Variants in LRRIQ3 observed in about 807,000 individuals in gnomAD.
The protein encoded by LRRIQ3 is leucine-rich repeat and IQ domain-containing protein 3.
A neutral mutation model predicts 59.3 loss-of-function variants in LRRIQ3; 75 were observed. That is an observed-to-expected ratio of 1.26 (90% CI 1.05 to 1.53). LRRIQ3 has a LOEUF of 1.53. LRRIQ3 is among the 40% of genes most tolerant of loss of function. The probability of loss-of-function intolerance (pLI) is 0.00; values close to 1 mark genes in which losing one functional copy is unlikely to be tolerated. For missense variants in LRRIQ3, 831 were observed against 710.0 expected, an observed-to-expected ratio of 1.17 and a Z score of -1.94; for synonymous variants, 250 against 231.3, an observed-to-expected ratio of 1.08 and a Z score of -0.73.
intron 5 of LRRIQ3, among the ~76,000 whole-genome samples, chr1:74,096,564 G>A (rs764050228): frequency 5.9e-5 from 9 of 152,068 alleles, no homozygotes; most frequent in Non-Finnish European, 1.0e-4. Flanking sequence ...AGTCATTCTC[G>A]GTCCAGCTTT....
intron 4 of LRRIQ3, among the ~76,000 whole-genome samples, chr1:74,149,004 C>T (rs571812938): frequency 5.3e-5 from 8 of 149,802 alleles, no homozygotes; most frequent in African/African-American, 2.0e-4. Flanking sequence ...AAGTGATTTT[C>T]TAATGTTAAA....
intron 3 of LRRIQ3, among the ~76,000 whole-genome samples, chr1:74,174,423 C>T (rs540506315): frequency 9.9e-5 from 15 of 152,046 alleles, no homozygotes; most frequent in African/African-American, 3.1e-4. Context: ...ACTCTTGTTG[C>T]CCAGGCTGCA....
intron 6 of LRRIQ3, among the ~76,000 whole-genome samples, chr1:74,044,312 G>T (rs1654135435): frequency 6.6e-6 from 1 of 152,038 alleles, no homozygotes; most frequent in Admixed American, 6.6e-5. Flanking sequence ...AGAGGTGTTT[G>T]GGACATGGGG....
intron 6 of LRRIQ3, among the ~76,000 whole-genome samples, chr1:74,069,393 C>T (rs1323519954): frequency 6.6e-6 from 1 of 151,860 alleles, no homozygotes; most frequent in Non-Finnish European, 1.5e-5. Context: ...ACTGAAAATG[C>T]TTCTTACAGC....
intron 2 of LRRIQ3, 29 bp downstream of exon 2, chr1:74,183,407 T>G (rs750992400): frequency 2.0e-6 from 3 of 1,510,202 alleles, no homozygotes; most frequent in Middle Eastern, 4.8e-4. Flanking sequence ...TTCGTTTATA[T>G]GCAAATATCT....
chr1:74,183,125 T>C (rs1050498681), intron 2 of LRRIQ3: 5 of 322,160 alleles, frequency 1.6e-5, no homozygotes, highest in Middle Eastern at 8.9e-4. Flanking sequence ...TTGTAATAGG[T>C]TGACTCTTTA....
intron 6 of LRRIQ3, among the ~76,000 whole-genome samples, chr1:74,071,477 C>A (rs147395855): frequency 1.9e-4 from 29 of 152,290 alleles, no homozygotes; most frequent in African/African-American, 6.5e-4. Flanking sequence ...TCATAATCCT[C>A]ACTAGAGACT....
chr1:74,038,761 A>C (rs963905249), intron 7 of LRRIQ3, among the ~76,000 whole-genome samples: 4 of 152,224 alleles, frequency 2.6e-5, no homozygotes, highest in African/African-American at 7.2e-5. Context: ...ACAATCAAAC[A>C]GAAAACAACA....
At chr1:74,041,110 C>T (rs1654029850) in intron 7 of LRRIQ3, 103 bp downstream of exon 7, 4 of 925,870 alleles carry the variant, frequency 4.3e-6, no homozygotes, top group African/African-American at 3.4e-5. Flanking sequence ...GTAGAATGTA[C>T]TATGTTACAA....
At chr1:74,057,812 CA>C (rs1214583880) in intron 6 of LRRIQ3, among the ~76,000 whole-genome samples, 1 of 152,004 alleles carries the variant, frequency 6.6e-6, no homozygotes, top group African/African-American at 2.4e-5. Flanking sequence ...AACATATTCA[CA>C]AACTATACAT....
intron 5 of LRRIQ3, among the ~76,000 whole-genome samples, chr1:74,091,742 A>G (rs1255699481): frequency 6.6e-6 from 1 of 152,076 alleles, no homozygotes; most frequent in Non-Finnish European, 1.5e-5. Flanking sequence ...ATGTCTTAAT[A>G]ATTCAAGTGG....
intron 4 of LRRIQ3, among the ~76,000 whole-genome samples, chr1:74,125,311 T>G (rs1646919196): frequency 6.6e-6 from 1 of 152,010 alleles, no homozygotes; most frequent in Non-Finnish European, 1.5e-5. Flanking sequence ...ACAAAGATAA[T>G]TTGACTTATT....
At chr1:74,120,939 G>T (rs1010801672) in intron 4 of LRRIQ3, among the ~76,000 whole-genome samples, 8 of 152,072 alleles carry the variant, frequency 5.3e-5, no homozygotes, top group African/African-American at 1.7e-4. Flanking sequence ...AGAACATTAT[G>T]ATTGATTAAC....
chr1:74,067,058 T>C (rs1654886484), intron 6 of LRRIQ3, among the ~76,000 whole-genome samples: 1 of 152,158 alleles, frequency 6.6e-6, no homozygotes, highest in South Asian at 2.1e-4. Context: ...AACAAAATTA[T>C]TGCCACAAGT....
chr1:74,077,648 A>G (rs1241992774), intron 5 of LRRIQ3, among the ~76,000 whole-genome samples: 1 of 151,954 alleles, frequency 6.6e-6, no homozygotes, highest in East Asian at 1.9e-4. Flanking sequence ...GCCACATTTT[A>G]TAAAAATATT....
At chr1:74,137,671 T>C (rs1363944687) in intron 4 of LRRIQ3, among the ~76,000 whole-genome samples, 2 of 152,008 alleles carry the variant, frequency 1.3e-5, no homozygotes, top group African/African-American at 2.4e-5. Context: ...CTGTTCACAA[T>C]AGCAAAGACT....
chr1:74,057,013 C>T (rs1654555989), intron 6 of LRRIQ3, among the ~76,000 whole-genome samples: 1 of 152,142 alleles, frequency 6.6e-6, no homozygotes, highest in Admixed American at 6.6e-5. Context: ...TCCCCTTTGC[C>T]TTCGCTATGA....
intron 7 of LRRIQ3, among the ~76,000 whole-genome samples, chr1:74,040,191 A>G (rs1654000075): frequency 6.6e-6 from 1 of 152,222 alleles, no homozygotes; most frequent in Non-Finnish European, 1.5e-5. Context: ...AGAAAGACAA[A>G]GAAGGGCATT....
chr1:74,098,078 G>C (rs191558489), intron 5 of LRRIQ3, among the ~76,000 whole-genome samples: 3 of 152,204 alleles, frequency 2.0e-5, no homozygotes, highest in African/African-American at 7.2e-5. Flanking sequence ...ATGTAAATGG[G>C]CTAAATGCCC....
Sources: gnomAD v4.1 joint callset for allele counts (sites outside exome capture counted in the v4.1 genomes callset) on GRCh38, gnomAD v4.1.1 for gene constraint, MANE v1.5 for transcripts, NCBI Gene and HGNC (gene_info 2026-07-23, HGNC 2026-07-21) for gene names.